CYP3A43: variants seen among roughly 807,000 people sequenced by gnomAD.
The protein encoded by CYP3A43 is cytochrome P450 family 3 subfamily A member 43, also known as cytochrome P450 3A43.
Under a neutral mutation model 58.0 loss-of-function variants are expected in CYP3A43, and 45 were observed. That is an observed-to-expected ratio of 0.78 (90% CI 0.61 to 0.99). The LOEUF (loss-of-function observed/expected upper bound fraction) is 0.99, where lower values mean the gene tolerates loss of function less well. Ranked by LOEUF, CYP3A43 falls within the 50% of genes least tolerant of loss-of-function variation. CYP3A43 has a pLI of 0.00. For synonymous variants in CYP3A43, 191 were observed against 201.4 expected (o/e 0.95, Z 0.44); for missense variants, 593 against 591.9 (o/e 1.00, Z -0.02).
intron 1 of CYP3A43, among the ~76,000 whole-genome samples, chr7:99,835,908 C>A (rs998828671): frequency 2.0e-5 from 3 of 152,198 alleles, no homozygotes; most frequent in Non-Finnish European, 4.4e-5. Context: ...ACAGAACAAT[C>A]AGTACTGACA....
At chr7:99,828,219 C>T in intron 1 of CYP3A43, 33 bp downstream of exon 1, 1 of 1,515,142 alleles carries the variant, frequency 6.6e-7, no homozygotes, top group Non-Finnish European at 9.0e-7. Flanking sequence ...TTGCTCTTAA[C>T]TCTAAGACCT....
chr7:99,865,930 C>T lies in CYP3A43; in HGVS notation c.1441C>T (p.Pro481Ser). ...GATCCCACTGAAATTAGACAATCTACCAATTCTTCAACCAGAAAAACCTAT... is the reference window on the plus strand; with the variant it reads ...GATCCCACTGAAATTAGACAATCTATCAATTCTTCAACCAGAAAAACCTAT... ...TQIPLKLDNL[P>S]ILQPEKPIVL... Residue 481 changes from proline to serine, a missense_variant, in exon 13 of 13, where the codon CCA becomes TCA. By Grantham distance (74) the Pro-to-Ser change is moderately conservative. Coordinates refer to ENST00000354829, the MANE Select transcript of CYP3A43 (RefSeq NM_057095.3). 1 of 1,564,060 alleles carries T rather than the reference C, an allele frequency of 6.4e-7. No homozygotes were observed. Among genetic ancestry groups the T allele is most frequent in the Non-Finnish European group, 8.5e-7 (1 of 1,171,938 alleles).
intron 1 of CYP3A43, among the ~76,000 whole-genome samples, chr7:99,828,452 G>T (rs1816710550): frequency 2.0e-5 from 3 of 152,070 alleles, no homozygotes; most frequent in African/African-American, 7.2e-5. Context: ...CACAAGGTCA[G>T]GAGTTCAAGA....
intron 7 of CYP3A43, among the ~76,000 whole-genome samples, chr7:99,851,985 G>T (rs972512345): frequency 2.0e-5 from 3 of 152,076 alleles, no homozygotes; most frequent in East Asian, 1.9e-4. Context: ...TTTATATGCC[G>T]TGTGACGTAA....
chr7:99,855,725 T>C lies in CYP3A43; in HGVS notation c.798+7T>C. The C allele has an allele frequency of 6.2e-7, 1 of 1,601,978 alleles. No individual in the cohort carries two copies. Among genetic ancestry groups the C allele is most frequent in the Non-Finnish European group, 8.5e-7 (1 of 1,174,368 alleles). ...CCTCAAAGATAAACAAAAGGTAAAA[T>C]CTGGTGGTGGTGACATGAGAATGTT... On this transcript the variant is annotated splice_region_variant and intron_variant, in intron 8 of 12. Transcript: ENST00000354829.
intron 2 of CYP3A43, 34 bp downstream of exon 2, chr7:99,836,580 T>C: frequency 4.0e-6 from 6 of 1,484,652 alleles, no homozygotes; most frequent in Non-Finnish European, 5.5e-6. Flanking sequence ...TTTTGCTTCT[T>C]ATCGATGCAA....
In CYP3A43 at chr7:99,859,985, A is replaced by G. The variant is rs753817348; in HGVS notation, c.1021A>G (p.Asn341Asp). The G allele has an allele frequency of 6.9e-6, 11 of 1,598,692 alleles. No individual in the cohort carries two copies. The highest frequency in any genetic ancestry group is 1.1e-5 in the South Asian group (1 of 87,766). ...LQEEIDAVLP[N>D]KAPVTYDALV... ...GGAGGAGATTGACGCAGTTTTACCC[A>G]ATAAGGTAAGGGGATGATCCCCTGG... is the stretch of plus-strand genomic sequence containing the variant. The change falls in exon 10 of 13, where the codon AAT (asparagine) becomes GAT (aspartate). Residue 341 changes from asparagine (N) to aspartate (D), a missense_variant. Physicochemically the swap from Asn to Asp is conservative, Grantham distance 23. Transcript: ENST00000354829.
At chr7:99,837,318 CAAAA>C (rs35566033) in intron 2 of CYP3A43, among the ~76,000 whole-genome samples, 2 of 66,694 alleles carry the variant, frequency 3.0e-5, no homozygotes, top group Admixed American at 1.7e-4. Flanking sequence ...GACTGTGTCT[CAAAA>C]AAAAAAAAAA....
At chr7:99,837,329 AAAAAAAGAAAAG>A (rs1367148249) in intron 2 of CYP3A43, among the ~76,000 whole-genome samples, 2 of 151,524 alleles carry the variant, frequency 1.3e-5, no homozygotes, top group African/African-American at 4.9e-5. Context: ...AAAAAAAAAA[AAAAAAAGAAAAG>A]AAAAAAAGAA....
intron 7 of CYP3A43, among the ~76,000 whole-genome samples, chr7:99,854,685 A>T (rs1013660155): frequency 6.6e-6 from 1 of 152,140 alleles, no homozygotes; most frequent in Non-Finnish European, 1.5e-5. Flanking sequence ...ATTATCTGAC[A>T]TTCACAACTA....
intron 9 of CYP3A43, among the ~76,000 whole-genome samples, chr7:99,858,742 G>T (rs1818099616): frequency 6.6e-6 from 1 of 151,222 alleles, no homozygotes; most frequent in South Asian, 2.1e-4. Context: ...ACCCAGGCTG[G>T]AGTGAAGTGG....
At chr7:99,838,314 C>T (rs1297130529) in intron 2 of CYP3A43, among the ~76,000 whole-genome samples, 1 of 152,188 alleles carries the variant, frequency 6.6e-6, no homozygotes, top group African/African-American at 2.4e-5. Context: ...ATCTGCTAGA[C>T]TAAAAGTGGT....
intron 4 of CYP3A43, 121 bp from the exon 5 acceptor site, chr7:99,847,367 C>T (rs150976733): frequency 2.1e-6 from 2 of 966,424 alleles, no homozygotes; most frequent in Non-Finnish European, 1.5e-6. Flanking sequence ...ATAGAGCCTG[C>T]CACCCAGTAG....
chr7:99,840,355 G>C (rs1337502314), intron 3 of CYP3A43, among the ~76,000 whole-genome samples: 1 of 152,060 alleles, frequency 6.6e-6, no homozygotes, highest in African/African-American at 2.4e-5. Flanking sequence ...CTCACACCTT[G>C]ATCATGTAAA....
At position 99,830,970 on chromosome 7, in the gene CYP3A43, A is replaced by T. The variant is rs566795674; in HGVS notation, c.71+2784A>T. Among the ~76,000 whole-genome samples the T allele has an allele frequency of 3.3e-5, 5 of 152,370 alleles. No homozygotes were observed. The South Asian group carries it at 1.0e-3, about 32-fold the overall frequency. On this transcript the variant is annotated intron_variant, in intron 1 of 12. Transcript: ENST00000354829. Reference sequence around the variant, plus strand: ...CTTCATTCAACTTCCAATTTCTGTTACTAAGAGTGTTTACTGACATCATTC... The same window carrying T: ...CTTCATTCAACTTCCAATTTCTGTTTCTAAGAGTGTTTACTGACATCATTC...
intron 12 of CYP3A43, among the ~76,000 whole-genome samples, chr7:99,865,666 C>A (rs893406007): frequency 3.4e-5 from 5 of 148,566 alleles, no homozygotes; most frequent in Admixed American, 6.6e-5. Flanking sequence ...CAATCTCAAG[C>A]CTGGCACAGA....
chr7:99,855,547 T>C, intron 7 of CYP3A43, 44 bp from the exon 8 acceptor site: 1 of 1,565,176 alleles, frequency 6.4e-7, no homozygotes, highest in African/African-American at 1.4e-5. Flanking sequence ...TTCACATTTT[T>C]CACTATGATT....
chr7:99,851,474 T>C (rs78619124), intron 7 of CYP3A43, among the ~76,000 whole-genome samples: 15,605 of 149,210 alleles, frequency 0.1, 1,612 homozygotes, highest in African/African-American at 0.29. Flanking sequence ...GTTTTCTCAT[T>C]TGTTTATAGA....
intron 6 of CYP3A43, among the ~76,000 whole-genome samples, chr7:99,849,174 G>A (rs771077857): frequency 6.6e-5 from 10 of 152,184 alleles, no homozygotes; most frequent in African/African-American, 1.2e-4. Context: ...TTGATTGGCC[G>A]AGAAAGAGTT....
Sources: gnomAD v4.1 joint callset for allele counts (sites outside exome capture counted in the v4.1 genomes callset) on GRCh38, gnomAD v4.1.1 for gene constraint, MANE v1.5 for transcripts, NCBI Gene and HGNC (gene_info 2026-07-23, HGNC 2026-07-21) for gene names.